Variants in ADAMTSL1 observed in about 807,000 individuals in gnomAD.
The protein encoded by ADAMTSL1 is ADAMTS like 1, also known as ADAMTS-like protein 1.
Under a neutral mutation model 201.8 loss-of-function variants are expected in ADAMTSL1, and 126 were observed. The ratio of observed to expected loss-of-function variants is 0.62; its 90% CI spans 0.54 to 0.72. The LOEUF is 0.72. Among genes scored for constraint, ADAMTSL1 ranks in the 30% least tolerant of loss-of-function variants. The pLI, the probability that ADAMTSL1 is intolerant of heterozygous loss-of-function variation, is 0.00. For missense variants in ADAMTSL1, 2,679 were observed against 2,277.8 expected (o/e 1.18, Z -3.59); for synonymous variants, 1,121 against 903.4 (o/e 1.24, Z -4.32).
chr9:18,384,009 T>C (rs1837676057), intron 2 of ADAMTSL1, among the ~76,000 whole-genome samples: 1 of 152,118 alleles, frequency 6.6e-6, no homozygotes, highest in African/African-American at 2.4e-5. Context: ...GTGGACCATA[T>C]TTTGAGGCTT....
At chr9:18,290,786 T>TTTTTGTTG (rs1833224547) in intron 2 of ADAMTSL1, among the ~76,000 whole-genome samples, 2 of 107,554 alleles carry the variant, frequency 1.9e-5, no homozygotes, top group Non-Finnish European at 4.0e-5. Flanking sequence ...TGTGTGTTTT[T>TTTTTGTTG]TTTTTTTTTT....
At chr9:18,813,768 A>T (rs1388585392) in intron 20 of ADAMTSL1, among the ~76,000 whole-genome samples, 2 of 152,212 alleles carry the variant, frequency 1.3e-5, no homozygotes, top group Non-Finnish European at 2.9e-5. Flanking sequence ...CAAGGACAGT[A>T]TAACTTTTTC....
At chr9:18,844,754 C>T (rs1201388597) in intron 23 of ADAMTSL1, among the ~76,000 whole-genome samples, 1 of 152,244 alleles carries the variant, frequency 6.6e-6, no homozygotes, top group Non-Finnish European at 1.5e-5. Context: ...GGGCGCCCCT[C>T]CCCCAGCCTT....
At chr9:18,542,409 A>G (rs1203755684) in intron 3 of ADAMTSL1, among the ~76,000 whole-genome samples, 2 of 152,154 alleles carry the variant, frequency 1.3e-5, no homozygotes, top group African/African-American at 4.8e-5. Flanking sequence ...TCATTCCATT[A>G]TGTGTTGGAA....
intron 23 of ADAMTSL1, among the ~76,000 whole-genome samples, chr9:18,860,508 T>TA (rs11385571): frequency 0.33 from 47,997 of 146,558 alleles, 9,665 homozygotes; most frequent in African/African-American, 0.59. Flanking sequence ...ATCTGGCCCT[T>TA]AAAAAAAAAA....
At chr9:18,505,288 A>G (rs1281175676) in intron 2 of ADAMTSL1, among the ~76,000 whole-genome samples, 2 of 152,196 alleles carry the variant, frequency 1.3e-5, no homozygotes, top group Non-Finnish European at 2.9e-5. Context: ...TATTAGCTCT[A>G]TGACATATTG....
At chr9:18,384,780 G>A (rs542477290) in intron 2 of ADAMTSL1, among the ~76,000 whole-genome samples, 22 of 152,126 alleles carry the variant, frequency 1.4e-4, no homozygotes, top group Middle Eastern at 6.8e-3. Context: ...ACCTTAATGC[G>A]GAAATGTTCT....
upstream of ADAMTSL1, among the ~76,000 whole-genome samples, chr9:18,472,785 G>T (rs532602240): frequency 6.6e-6 from 1 of 152,226 alleles, no homozygotes; most frequent in South Asian, 2.1e-4. Flanking sequence ...ATATATTTCT[G>T]GGCTATCAGG....
At chr9:18,254,345 G>GTTTTTTTTTTTTTTTTTT (rs59026505) in intron 2 of ADAMTSL1, among the ~76,000 whole-genome samples, 1 of 49,364 alleles carries the variant, frequency 2.0e-5, no homozygotes, top group Non-Finnish European at 3.5e-5. Context: ...ACTCTTTTTG[G>GTTTTTTTTTTTTTTTTTT]TTTTTTTTTT....
intron 2 of ADAMTSL1, among the ~76,000 whole-genome samples, chr9:18,279,793 G>T (rs141064037): frequency 1.3e-5 from 2 of 152,298 alleles, no homozygotes; most frequent in Non-Finnish European, 2.9e-5. Context: ...AGGCCATCTT[G>T]TGGGGCTCAC....
chr9:18,208,904 T>C (rs555915129), intron 2 of ADAMTSL1, among the ~76,000 whole-genome samples: 3 of 152,162 alleles, frequency 2.0e-5, no homozygotes, highest in African/African-American at 7.2e-5. Context: ...CTTGATTACC[T>C]CATCTATGAA....
intron 1 of ADAMTSL1, among the ~76,000 whole-genome samples, chr9:18,101,851 T>C (rs929568177): frequency 5.3e-5 from 8 of 152,280 alleles, no homozygotes; most frequent in African/African-American, 1.7e-4. Context: ...GTCTTGACTT[T>C]AGATCAGAGG....
intron 16 of ADAMTSL1, among the ~76,000 whole-genome samples, chr9:18,757,466 C>G (rs1819839320): frequency 6.6e-6 from 1 of 152,106 alleles, no homozygotes; most frequent in Admixed American, 6.5e-5. Flanking sequence ...CAGTCTACTG[C>G]TAGGATTTTT....
chr9:18,640,238 T>G (rs1827355286), intron 7 of ADAMTSL1, among the ~76,000 whole-genome samples: 1 of 152,132 alleles, frequency 6.6e-6, no homozygotes, highest in Non-Finnish European at 1.5e-5. Context: ...TGCATGGTAG[T>G]TCTTTTTAAT....
intron 1 of ADAMTSL1, among the ~76,000 whole-genome samples, chr9:18,125,763 C>CT (rs1359479174): frequency 6.6e-6 from 1 of 152,108 alleles, no homozygotes; most frequent in Non-Finnish European, 1.5e-5. Context: ...TATATTGCAT[C>CT]TTTTTTCCAC....
At chr9:18,359,247 A>G (rs951348112) in intron 2 of ADAMTSL1, among the ~76,000 whole-genome samples, 1 of 152,222 alleles carries the variant, frequency 6.6e-6, no homozygotes, top group Non-Finnish European at 1.5e-5. Context: ...CCTTCCCTCT[A>G]TCGGGGCCCT....
At chr9:18,405,988 G>T (rs1719559780) in intron 2 of ADAMTSL1, among the ~76,000 whole-genome samples, 1 of 152,084 alleles carries the variant, frequency 6.6e-6, no homozygotes, top group Admixed American at 6.5e-5. Flanking sequence ...TTTAAACCTG[G>T]TTGCTTAGCT....
chr9:18,674,198 G>GCACACACACA (rs546082192), intron 9 of ADAMTSL1, among the ~76,000 whole-genome samples: 4 of 58,172 alleles, frequency 6.9e-5, no homozygotes, highest in African/African-American at 1.5e-4. Flanking sequence ...ACACACACAG[G>GCACACACACA]CACACACACA....
chr9:18,150,354 A>G (rs1826854182), intron 1 of ADAMTSL1, among the ~76,000 whole-genome samples: 1 of 152,040 alleles, frequency 6.6e-6, no homozygotes, highest in African/African-American at 2.4e-5. Flanking sequence ...GTTTCAAGCA[A>G]AAGGGATGAC....
Sources: allele counts gnomAD v4.1 joint callset (sites outside exome capture counted in the v4.1 genomes callset), GRCh38; gene constraint gnomAD v4.1.1; transcripts MANE v1.5; gene names NCBI Gene and HGNC (gene_info 2026-07-23, HGNC 2026-07-21).